Variants in CXCL12 observed in about 807,000 individuals in gnomAD.
CXCL12 encodes C-X-C motif chemokine ligand 12, also known as stromal cell-derived factor 1.
CXCL12 carries 4 observed loss-of-function variants against 10.7 expected under a neutral mutation model. That is an observed-to-expected ratio of 0.37 (90% CI 0.18 to 0.86). The LOEUF (loss-of-function observed/expected upper bound fraction) is 0.86. Ranked by LOEUF, CXCL12 falls within the 40% of genes least tolerant of loss-of-function variation. The probability of loss-of-function intolerance (pLI) is 0.43; values close to 1 mark genes in which losing one functional copy is unlikely to be tolerated. For synonymous variants in CXCL12, 54 were observed against 45.4 expected (o/e 1.19, Z -0.77); for missense variants, 122 against 110.4 (o/e 1.10, Z -0.47).
downstream of CXCL12, chr10:44,371,366 T>C (rs2132034608): frequency 2.1e-6 from 1 of 482,942 alleles, no homozygotes; most frequent in South Asian, 1.5e-5. Context: ...ACATCCAAGT[T>C]CTACGTGACA....
chr10:44,380,613 T>A lies in CXCL12; in HGVS notation c.179+150A>T, dbSNP rs373669617. On this transcript the variant is annotated intron_variant, in intron 2 of 2. Coordinates refer to ENST00000343575, the MANE Select transcript of CXCL12 (RefSeq NM_199168.4). Reference sequence around the variant, plus strand: ...CCTGGTGGCATACTAAAGGTCCTCATGATAAGAATAGCTGCCACTAATTAT... The same window carrying A: ...CCTGGTGGCATACTAAAGGTCCTCAAGATAAGAATAGCTGCCACTAATTAT... 1.9e-4 allele frequency: 136 copies of A among 723,734 alleles called. No individual in the cohort carries two copies. In the South Asian group the frequency reaches 2.0e-3, roughly 11 times the overall value. 44.8% of individuals were successfully genotyped at this position (723,734 alleles called of 1,614,324 possible).
downstream of CXCL12, chr10:44,373,401 G>T: frequency 2.0e-6 from 3 of 1,504,642 alleles, no homozygotes; most frequent in Non-Finnish European, 2.8e-6. Flanking sequence ...CACCCAGCCA[G>T]CTCCAGAAGG....
chr10:44,379,764 A>G lies in CXCL12; in HGVS notation c.179+999T>C, dbSNP rs568255302. ...CTGTAAAGCAGGTCCAAGGTAGCTAAATTGAGCATCTTTAAAATACTCTTC... is the reference window on the plus strand; with the variant it reads ...CTGTAAAGCAGGTCCAAGGTAGCTAGATTGAGCATCTTTAAAATACTCTTC... On this transcript the variant is annotated intron_variant, in intron 2 of 2. Transcript: ENST00000343575. Among the ~76,000 whole-genome samples the G allele has an allele frequency of 3.0e-4, 46 of 152,366 alleles. 1 individual carries two copies. In the South Asian group the frequency reaches 9.1e-3, roughly 30 times the overall value.
chr10:44,381,863 A>AT (rs1285162407), intron 1 of CXCL12, among the ~76,000 whole-genome samples: 12 of 151,576 alleles, frequency 7.9e-5, no homozygotes, highest in African/African-American at 2.2e-4. Flanking sequence ...TGGTCCAGAG[A>AT]TTTTTTTTCT....
Position 44,383,612 on chromosome 10 carries a change from G to C in CXCL12, c.61+1333C>G, listed in dbSNP as rs10900033. On this transcript the variant is annotated intron_variant, in intron 1 of 2. Coordinates refer to ENST00000343575, the MANE Select transcript of CXCL12 (RefSeq NM_199168.4). The stretch of plus-strand genomic sequence containing the variant: ...TAGAAACATGCCCCATGACTTGCGG[G>C]GGGGGGGGGGGGTCAGTGTGCAGAC... Among the ~76,000 whole-genome samples the C allele has an allele frequency of 4.9e-3, 452 of 91,436 alleles. 7 individuals are homozygous for C. The highest frequency in any genetic ancestry group is 9.0e-3 in the East Asian group (18 of 1,994). The allele number at this position is 91,436 out of a possible 152,430, so 60.0% of individuals were successfully genotyped here.
At position 44,378,351 on chromosome 10, in the gene CXCL12, T is replaced by C. The variant is rs1839522263; in HGVS notation, c.*282A>G. The C allele has an allele frequency of 6.6e-7, 1 of 1,504,382 alleles. No individual in the cohort carries two copies. 93.2% of individuals were successfully genotyped at this position (1,504,382 alleles called of 1,614,324 possible). ...AACTGCTTGAAAATGCTGTTGATAA[T>C]ACAATTTCTTTCTTAGAAAAACCCC... On this transcript the variant is annotated 3_prime_UTR_variant, in exon 3 of 3. Coordinates refer to ENST00000343575, the MANE Select transcript of CXCL12 (RefSeq NM_199168.4).
chr10:44,372,774 G>A, downstream of CXCL12: 1 of 1,450,898 alleles, frequency 6.9e-7, no homozygotes, highest in Non-Finnish European at 9.0e-7. Flanking sequence ...CCTCAGCTCA[G>A]GGTAGCCCTG....
Position 44,382,515 on chromosome 10 carries a change from T to C in CXCL12, c.62-1635A>G, listed in dbSNP as rs540336279. Among the ~76,000 whole-genome samples the C allele has an allele frequency of 2.6e-5, 4 of 152,180 alleles. No homozygotes were observed. In the East Asian group the frequency reaches 5.8e-4, roughly 22 times the overall value. ...AAGCCCCCTCCCGGCAACAGTGAGC[T>C]TGAAGATATGCAGCCAAGGGCAAGT... is the stretch of plus-strand genomic sequence containing the variant. On this transcript the variant is annotated intron_variant, in intron 1 of 2. Transcript: ENST00000343575.
chr10:44,373,194 C>G, downstream of CXCL12: 1 of 1,541,292 alleles, frequency 6.5e-7, no homozygotes, highest in Non-Finnish European at 8.8e-7. Flanking sequence ...GAAAATATGG[C>G]AAAGTGTGCA....
At chr10:44,381,055 T>C (rs1839617189) in intron 1 of CXCL12, among the ~76,000 whole-genome samples, 175 bp from the exon 2 acceptor site, 1 of 152,140 alleles carries the variant, frequency 6.6e-6, no homozygotes, top group Non-Finnish European at 1.5e-5. Flanking sequence ...ACACAGTGAG[T>C]GCTGGCTGAG....
downstream of CXCL12, chr10:44,372,729 G>T: frequency 7.0e-7 from 1 of 1,432,372 alleles, no homozygotes; most frequent in Non-Finnish European, 9.1e-7. Flanking sequence ...CGGGATGAGG[G>T]CTGGGTCTCA....
downstream of CXCL12, chr10:44,371,908 C>T (rs1839324001): frequency 1.3e-5 from 2 of 152,382 alleles, no homozygotes; most frequent in African/African-American, 4.8e-5. Flanking sequence ...TAATACAGCT[C>T]TATCGACTGC....
At chr10:44,381,141 A>T (rs1284952167) in intron 1 of CXCL12, among the ~76,000 whole-genome samples, 3 of 152,232 alleles carry the variant, frequency 2.0e-5, no homozygotes, top group African/African-American at 7.2e-5. Flanking sequence ...GCGGGAGTTT[A>T]AATTAGAAGC....
At chr10:44,375,414 G>C (rs1336906629), downstream of CXCL12, among the ~76,000 whole-genome samples, 3 of 152,210 alleles carry the variant, frequency 2.0e-5, no homozygotes, top group African/African-American at 4.8e-5. Context: ...ATTCCTAAGG[G>C]TCAGTCAGTT....
chr10:44,380,599 A>C, intron 2 of CXCL12, 164 bp downstream of exon 2: 3 of 688,718 alleles, frequency 4.4e-6, no homozygotes, highest in Non-Finnish European at 7.8e-6. Context: ...CTGGTGGCAT[A>C]CTAAAGGTCC....
At chr10:44,375,167 G>A (rs563568267), downstream of CXCL12, among the ~76,000 whole-genome samples, 1 of 152,298 alleles carries the variant, frequency 6.6e-6, no homozygotes, top group East Asian at 1.9e-4. Flanking sequence ...TGGGGGACCC[G>A]TTTAAAGACT....
At chr10:44,383,356 G>C (rs537655206) in intron 1 of CXCL12, among the ~76,000 whole-genome samples, 1 of 152,142 alleles carries the variant, frequency 6.6e-6, no homozygotes, top group Non-Finnish European at 1.5e-5. Context: ...CCCAGGCCAG[G>C]AGGAGTCTGG....
rs1408784259 is a variant in CXCL12 at position 44,377,940 on chromosome 10, T to C, written c.*693A>G. 26 of 1,536,488 alleles carry C rather than the reference T, an allele frequency of 1.7e-5. 1 individual carries two copies. The South Asian group carries it at 2.6e-4, about 16-fold the overall frequency. On this transcript the variant is annotated 3_prime_UTR_variant, in exon 3 of 3. Transcript: ENST00000343575. Reference sequence around the variant, plus strand: ...TGAGAAGCAGAAGCAAGATTAAGCATGCTCTCGGAGTCGGGGAGAGAGTAG... The same window carrying C: ...TGAGAAGCAGAAGCAAGATTAAGCACGCTCTCGGAGTCGGGGAGAGAGTAG...
chr10:44,372,986 C>T, downstream of CXCL12: 1 of 1,536,042 alleles, frequency 6.5e-7, no homozygotes, highest in Non-Finnish European at 8.7e-7. Context: ...TCCCTCAGCC[C>T]AGTCTCCCCA....
Sources: gnomAD v4.1 joint callset for allele counts (sites outside exome capture counted in the v4.1 genomes callset) on GRCh38, gnomAD v4.1.1 for gene constraint, MANE v1.5 for transcripts, NCBI Gene and HGNC (gene_info 2026-07-23, HGNC 2026-07-21) for gene names.